TNS3: variants seen among roughly 807,000 people sequenced by gnomAD.
TNS3 encodes tensin 3.
Under a neutral mutation model 140.9 loss-of-function variants are expected in TNS3, and 45 were observed. The observed-to-expected ratio is 0.32, with a 90% CI of 0.25 to 0.41. The LOEUF is 0.41. Among genes scored for constraint, TNS3 ranks in the 10% least tolerant of loss-of-function variants. The probability of loss-of-function intolerance (pLI) is 1.00; values close to 1 mark genes in which losing one functional copy is unlikely to be tolerated. For missense variants in TNS3, 1,716 were observed against 1,906.7 expected, an observed-to-expected ratio of 0.90 and a Z score of 1.86; for synonymous variants, 815 against 788.4, an observed-to-expected ratio of 1.03 and a Z score of -0.56.
Position 47,346,490 on chromosome 7 carries a change from G to A in TNS3, c.2282-134C>T, listed in dbSNP as rs1562619427. 2.7e-6 allele frequency: 3 copies of A among 1,103,928 alleles called. No homozygotes were observed. The East Asian group carries it at 7.8e-5, about 29-fold the overall frequency. 68.4% of individuals were successfully genotyped at this position (1,103,928 alleles called of 1,614,324 possible). On this transcript the variant is annotated intron_variant, in intron 17 of 30. Coordinates refer to ENST00000311160, the MANE Select transcript of TNS3 (RefSeq NM_022748.12). The stretch of plus-strand genomic sequence containing the variant: ...CTGGTCACCACTGCTCTGGGAAGAT[G>A]CTGTGGTTGCTGAAGGCAGCTGATG...
At position 47,277,765 on chromosome 7, in the gene TNS3, T is replaced by G; in HGVS notation, c.*311A>C. ...CCAGGGACATGGGGACCACCTCGTG[T>G]TCTGTGCTGTTTCCTTGCATGTCCC... On this transcript the variant is annotated 3_prime_UTR_variant, in exon 31 of 31. Transcript: ENST00000311160. 1 of 421,474 alleles carries G rather than the reference T, an allele frequency of 2.4e-6. No individual in the cohort carries two copies. The highest frequency in any genetic ancestry group is 5.3e-5 in the East Asian group (1 of 18,762). 26.1% of individuals were successfully genotyped at this position (421,474 alleles called of 1,614,324 possible).
chr7:47,339,420 G>T (rs1458839474), intron 20 of TNS3, among the ~76,000 whole-genome samples: 3 of 152,120 alleles, frequency 2.0e-5, no homozygotes, highest in African/African-American at 7.2e-5. Flanking sequence ...TGGGTGCCCA[G>T]GTGCCCCCGC....
intron 12 of TNS3, 82 bp downstream of exon 12, chr7:47,413,855 G>C: frequency 6.5e-7 from 1 of 1,542,326 alleles, no homozygotes; most frequent in Non-Finnish European, 8.9e-7. Context: ...CTCTTCCTGC[G>C]GGACAGGCAG....
intron 4 of TNS3, among the ~76,000 whole-genome samples, chr7:47,467,815 G>C (rs1796785745): frequency 6.6e-6 from 1 of 152,174 alleles, no homozygotes; most frequent in African/African-American, 2.4e-5. Flanking sequence ...AGGGGCCTGA[G>C]CCTAGACCCT....
chr7:47,524,836 A>T (rs955800261), intron 2 of TNS3, among the ~76,000 whole-genome samples: 2 of 147,600 alleles, frequency 1.4e-5, no homozygotes, highest in Non-Finnish European at 3.0e-5. Flanking sequence ...AAAAAAAAAA[A>T]GGCAATGGGA....
intron 25 of TNS3, 136 bp downstream of exon 25, chr7:47,293,597 C>T (rs1785834777): frequency 1.5e-5 from 11 of 717,276 alleles, no homozygotes; most frequent in Non-Finnish European, 2.6e-5. Context: ...TGCAGATCAG[C>T]AGGATTTCAG....
chr7:47,299,251 C>A (rs1786240607), intron 23 of TNS3, among the ~76,000 whole-genome samples: 1 of 152,222 alleles, frequency 6.6e-6, no homozygotes, highest in South Asian at 2.1e-4. Context: ...GATCCTCCCA[C>A]CTCAGCTTCC....
intron 20 of TNS3, among the ~76,000 whole-genome samples, chr7:47,330,114 T>A (rs1788250630): frequency 6.6e-6 from 1 of 152,168 alleles, no homozygotes; most frequent in African/African-American, 2.4e-5. Flanking sequence ...TCCCGGACAG[T>A]CTGCTCCCCC....
At chr7:47,574,712 G>C (rs1157203543) in intron 1 of TNS3, among the ~76,000 whole-genome samples, 1 of 152,024 alleles carries the variant, frequency 6.6e-6, no homozygotes, top group African/African-American at 2.4e-5. Context: ...CTACAACATG[G>C]ATGAAACCTT....
chr7:47,575,591 G>A (rs934780213), intron 1 of TNS3, among the ~76,000 whole-genome samples: 3 of 151,970 alleles, frequency 2.0e-5, no homozygotes, highest in East Asian at 1.9e-4. Flanking sequence ...CGAGGAGGGC[G>A]GATCATGAGG....
rs1793508438 is a variant in TNS3, at chr7:47,407,397, C to A, written c.723+4330G>T. On this transcript the variant is annotated intron_variant, in intron 13 of 30. Coordinates refer to ENST00000311160, the MANE Select transcript of TNS3 (RefSeq NM_022748.12). The surrounding 1 kb of genome is among the most constrained non-coding windows in gnomAD (Gnocchi z 4.1). Reference sequence around the variant, plus strand: ...CTCATCTCCCTGAAGGACCCAGACTCCCGGGAGCAGGAGCCCTGCACTGCC... The same window carrying A: ...CTCATCTCCCTGAAGGACCCAGACTACCGGGAGCAGGAGCCCTGCACTGCC... 6.6e-6 allele frequency among the ~76,000 whole-genome samples: 1 copy of A among 152,212 alleles called. No homozygotes were observed. The highest frequency in any genetic ancestry group is 1.5e-5 in the Non-Finnish European group (1 of 68,042).
At chr7:47,467,521 TA>T (rs1796770054) in intron 4 of TNS3, among the ~76,000 whole-genome samples, 1 of 152,184 alleles carries the variant, frequency 6.6e-6, no homozygotes, top group Non-Finnish European at 1.5e-5. Flanking sequence ...TCACAGCAGC[TA>T]TGAGGACCAG....
chr7:47,372,477 C>G (rs918407718), intron 16 of TNS3, among the ~76,000 whole-genome samples: 3 of 152,124 alleles, frequency 2.0e-5, no homozygotes, highest in Non-Finnish European at 4.4e-5. Flanking sequence ...CTCCCTGCCC[C>G]GTATGCTAAG....
chr7:47,519,206 CTTG>C (rs934987399), intron 2 of TNS3, among the ~76,000 whole-genome samples: 2 of 152,124 alleles, frequency 1.3e-5, no homozygotes, highest in African/African-American at 4.8e-5. Context: ...TAGGACGAAC[CTTG>C]TTGTCTCTTT....
intron 20 of TNS3, among the ~76,000 whole-genome samples, chr7:47,325,069 T>C (rs1787954892): frequency 6.6e-6 from 1 of 152,038 alleles, no homozygotes; most frequent in African/African-American, 2.4e-5. Context: ...GGAAGCATGA[T>C]GGACCGTGTG....
chr7:47,559,022 T>C lies in TNS3; in HGVS notation c.-265+23029A>G, dbSNP rs189962277. Among the ~76,000 whole-genome samples, 7 of 152,292 alleles carry C rather than the reference T, an allele frequency of 4.6e-5. 1 individual carries two copies. Among genetic ancestry groups the C allele is most frequent in the Admixed American group, 3.3e-4 (5 of 15,300 alleles). On this transcript the variant is annotated intron_variant, in intron 1 of 30. Transcript: ENST00000311160. ...AACGCCCGTGTATATAGACCTCCCA[T>C]GTCACTCTTCCAACCCCATGTTTAA...
chr7:47,518,445 GC>G (rs1386383812), intron 2 of TNS3, among the ~76,000 whole-genome samples: 1 of 152,120 alleles, frequency 6.6e-6, no homozygotes, highest in African/African-American at 2.4e-5. Context: ...CAAGACAACA[GC>G]CCCTAAAACT....
At chr7:47,578,699 T>C (rs1167254270) in intron 1 of TNS3, among the ~76,000 whole-genome samples, 2 of 152,190 alleles carry the variant, frequency 1.3e-5, no homozygotes, top group Non-Finnish European at 2.9e-5. Context: ...CACATTGCAG[T>C]GATGGATGTG....
At chr7:47,518,951 ACACTGAATCAGCTGCGG>A (rs2151912901) in intron 2 of TNS3, among the ~76,000 whole-genome samples, 1 of 152,322 alleles carries the variant, frequency 6.6e-6, no homozygotes, top group East Asian at 1.9e-4. Flanking sequence ...CACAAATAGG[ACACTGAATCAGCTGCGG>A]CACTGACTAA....
Sources: gnomAD v4.1 joint callset for allele counts (sites outside exome capture counted in the v4.1 genomes callset) on GRCh38, gnomAD v4.1.1 for gene constraint, Gnocchi (gnomAD v3.1) non-coding constraint, MANE v1.5 for transcripts, NCBI Gene and HGNC (gene_info 2026-07-23, HGNC 2026-07-21) for gene names.